The following ASAP2 variants were observed in gnomAD, a reference collection of about 807,000 sequenced individuals.
The protein encoded by ASAP2 is ArfGAP with SH3 domain, ankyrin repeat and PH domain 2.
A neutral mutation model predicts 131.4 loss-of-function variants in ASAP2; 45 were observed. The observed-to-expected ratio is 0.34, with a 90% CI of 0.27 to 0.44. ASAP2 has a LOEUF of 0.44. Among genes scored for constraint, ASAP2 ranks in the 20% least tolerant of loss-of-function variants. The pLI is 1.00. For synonymous variants in ASAP2, 510 were observed against 503.0 expected, an observed-to-expected ratio of 1.01 and a Z score of -0.19; for missense variants, 1,011 against 1,297.0, an observed-to-expected ratio of 0.78 and a Z score of 3.39.
chr2:9,400,925 C>T (rs1484878859), intron 26 of ASAP2, 95 bp downstream of exon 26: 9 of 1,289,452 alleles, frequency 7.0e-6, no homozygotes, highest in African/African-American at 1.5e-5. Flanking sequence ...TTCCCCTCTT[C>T]CCCTGGCTGG....
At chr2:9,219,995 T>G (rs1187314161) in intron 1 of ASAP2, among the ~76,000 whole-genome samples, 1 of 152,234 alleles carries the variant, frequency 6.6e-6, no homozygotes, top group African/African-American at 2.4e-5. Flanking sequence ...TTATGTAGCC[T>G]AATGTTTTTA....
chr2:9,393,089 T>G (rs1675846233), intron 23 of ASAP2, among the ~76,000 whole-genome samples: 1 of 152,180 alleles, frequency 6.6e-6, no homozygotes, highest in Non-Finnish European at 1.5e-5. Context: ...GCCTCATCCC[T>G]TTGGCCACAG....
chr2:9,271,819 C>T (rs1572317270), intron 1 of ASAP2, among the ~76,000 whole-genome samples: 1 of 151,828 alleles, frequency 6.6e-6, no homozygotes, highest in East Asian at 1.9e-4. Context: ...GTTTGTCTTT[C>T]TGTACGTGGC....
chr2:9,210,679 C>T (rs762326535), intron 1 of ASAP2, among the ~76,000 whole-genome samples: 23 of 151,830 alleles, frequency 1.5e-4, no homozygotes, highest in Non-Finnish European at 2.4e-4. Context: ...CTCAGCCTCC[C>T]GAGTAGCTGG....
At chr2:9,248,102 G>C (rs533363006) in intron 1 of ASAP2, among the ~76,000 whole-genome samples, 1 of 152,182 alleles carries the variant, frequency 6.6e-6, no homozygotes, top group Non-Finnish European at 1.5e-5. Context: ...CTGATGGAAG[G>C]GGGGCGGCTG....
In ASAP2 at chr2:9,281,855, C is replaced by T. The variant is rs1408630894; in HGVS notation, c.199+2466C>T. On this transcript the variant is annotated intron_variant, in intron 2 of 27. Coordinates refer to ENST00000281419, the MANE Select transcript of ASAP2 (RefSeq NM_003887.3). This position sits in a 1 kb window ranked among gnomAD's most constrained non-coding sequence, Gnocchi z 4.0. ...ACTGTGAGCCTCAGGTGAGTAAATA[C>T]TGCAGAGCACCAGATGAGTTCCGAG... 1.3e-5 allele frequency among the ~76,000 whole-genome samples: 2 copies of T among 152,168 alleles called. No homozygotes were observed. Among genetic ancestry groups the T allele is most frequent in the East Asian group, 3.9e-4 (2 of 5,194 alleles).
rs189818895 is a variant in ASAP2 at position 9,392,728 on chromosome 2, C to G, written c.2519-754C>G. ...GTTTCCTCTCTGTGTAGCTGAAGGC[C>G]TCATTCTTCCTGGCTTTTCCTGGCA... On this transcript the variant is annotated intron_variant, in intron 23 of 27. Transcript: ENST00000281419. The surrounding 1 kb of genome is among the most constrained non-coding windows in gnomAD (Gnocchi z 4.0). Among the ~76,000 whole-genome samples the G allele has an allele frequency of 4.5e-3, 690 of 152,334 alleles. 5 individuals are homozygous for G. Among genetic ancestry groups the G allele is most frequent in the African/African-American group, 0.016 (668 of 41,584 alleles).
chr2:9,235,443 C>T (rs2148045770), intron 1 of ASAP2, among the ~76,000 whole-genome samples: 1 of 152,332 alleles, frequency 6.6e-6, no homozygotes, highest in East Asian at 1.9e-4. Flanking sequence ...ATTTCACTCG[C>T]AGAGTTCAGA....
At chr2:9,328,104 A>G (rs1670594655) in intron 7 of ASAP2, among the ~76,000 whole-genome samples, 193 bp downstream of exon 7, 1 of 152,358 alleles carries the variant, frequency 6.6e-6, no homozygotes, top group Middle Eastern at 3.4e-3. Flanking sequence ...ACAAGAGGCC[A>G]TGTACTGTAT....
At position 9,281,757 on chromosome 2, in the gene ASAP2, G is replaced by A. The variant is rs867440968; in HGVS notation, c.199+2368G>A. Among the ~76,000 whole-genome samples, 1 of 152,182 alleles carries A rather than the reference G, an allele frequency of 6.6e-6. No individual in the cohort carries two copies. Among genetic ancestry groups the A allele is most frequent in the Non-Finnish European group, 1.5e-5 (1 of 68,032 alleles). ...TTAATGTGCTAGTAATGTGGATTGT[G>A]AGTGGTTATCGTTCTTAACCCTTTC... On this transcript the variant is annotated intron_variant, in intron 2 of 27. Transcript: ENST00000281419. This position sits in a 1 kb window ranked among gnomAD's most constrained non-coding sequence, Gnocchi z 4.0.
chr2:9,266,706 T>C (rs1558280521), intron 1 of ASAP2, among the ~76,000 whole-genome samples: 3 of 152,230 alleles, frequency 2.0e-5, no homozygotes, highest in Non-Finnish European at 2.9e-5. Context: ...GTTTCTCTTA[T>C]GTTTGCTGCC....
At chr2:9,369,842 G>C (rs1673795040) in intron 16 of ASAP2, among the ~76,000 whole-genome samples, 1 of 152,062 alleles carries the variant, frequency 6.6e-6, no homozygotes, top group African/African-American at 2.4e-5. Context: ...TTTGTAAAGG[G>C]AGAGAATTTA....
At chr2:9,252,522 T>A (rs1664778944) in intron 1 of ASAP2, among the ~76,000 whole-genome samples, 2 of 151,036 alleles carry the variant, frequency 1.3e-5, no homozygotes, top group Non-Finnish European at 3.0e-5. Context: ...TGCAGTGTGC[T>A]GAGATCACAC....
At chr2:9,370,629 T>TG (rs1673874215) in intron 16 of ASAP2, among the ~76,000 whole-genome samples, 1 of 152,140 alleles carries the variant, frequency 6.6e-6, no homozygotes, top group African/African-American at 2.4e-5. Flanking sequence ...ACAGAGGCAT[T>TG]GGGGGCATGA....
At chr2:9,370,131 C>T (rs1377772954) in intron 16 of ASAP2, among the ~76,000 whole-genome samples, 1 of 152,172 alleles carries the variant, frequency 6.6e-6, no homozygotes, top group East Asian at 1.9e-4. Flanking sequence ...AGCCACTGTA[C>T]CTGGCCTAGA....
chr2:9,391,743 T>A (rs1675745647), intron 23 of ASAP2, among the ~76,000 whole-genome samples: 1 of 149,778 alleles, frequency 6.7e-6, no homozygotes, highest in African/African-American at 2.5e-5. Context: ...CTCAGCTATT[T>A]TTTTTTTTTT....
chr2:9,356,944 T>C (rs1672750696), intron 14 of ASAP2, among the ~76,000 whole-genome samples: 1 of 152,162 alleles, frequency 6.6e-6, no homozygotes, highest in Non-Finnish European at 1.5e-5. Flanking sequence ...CTTATTCTAA[T>C]TGAGACACAA....
intron 1 of ASAP2, among the ~76,000 whole-genome samples, chr2:9,215,162 A>G: frequency 6.6e-6 from 1 of 152,176 alleles, no homozygotes; most frequent in Non-Finnish European, 1.5e-5. Flanking sequence ...TACCGTGGTA[A>G]CTGCGACACA....
intron 24 of ASAP2, among the ~76,000 whole-genome samples, chr2:9,397,844 C>T (rs150433744): frequency 0.15 from 21,583 of 141,954 alleles, 4,966 homozygotes; most frequent in African/African-American, 0.51. Flanking sequence ...TTGCAAGCTC[C>T]GCCTCCCGGG....
Sources: gnomAD v4.1 joint callset for allele counts (sites outside exome capture counted in the v4.1 genomes callset) on GRCh38, gnomAD v4.1.1 for gene constraint, Gnocchi (gnomAD v3.1) non-coding constraint, MANE v1.5 for transcripts, NCBI Gene and HGNC (gene_info 2026-07-23, HGNC 2026-07-21) for gene names.